KIF14: variants seen among roughly 807,000 people sequenced by gnomAD.
The protein encoded by KIF14 is kinesin family member 14.
In KIF14, 98 loss-of-function variants were observed where a neutral mutation model predicts 176.2. The ratio of observed to expected loss-of-function variants is 0.56; its 90% CI spans 0.47 to 0.66. The LOEUF is 0.66. Ranked by LOEUF, KIF14 falls within the 30% of genes least tolerant of loss-of-function variation. The pLI, the probability that KIF14 is intolerant of heterozygous loss-of-function variation, is 0.00. For missense variants in KIF14, 1,751 were observed against 1,920.4 expected (o/e 0.91, Z 1.65); for synonymous variants, 566 against 632.2 (o/e 0.90, Z 1.57).
intron 2 of KIF14, among the ~76,000 whole-genome samples, chr1:200,616,999 G>A (rs993549241): frequency 1.3e-5 from 2 of 152,024 alleles, no homozygotes; most frequent in South Asian, 2.1e-4. Context: ...AGACAGTCTC[G>A]TTCTGTCGCC....
intron 19 of KIF14, 98 bp downstream of exon 19, chr1:200,586,003 G>C (rs989228652): frequency 1.2e-6 from 1 of 806,310 alleles, no homozygotes; most frequent in Non-Finnish European, 1.8e-6. Context: ...AAAGTATTTT[G>C]AATATGTAAA....
In KIF14 at chr1:200,618,725, T is replaced by C. The variant is rs747913514; in HGVS notation, c.-2A>G. 1.9e-6 allele frequency: 3 copies of C among 1,586,162 alleles called. No homozygotes were observed. The highest frequency in any genetic ancestry group is 2.7e-5 in the African/African-American group (2 of 74,246). On this transcript the variant is annotated 5_prime_UTR_variant, in exon 2 of 30. Coordinates refer to ENST00000367350, the MANE Select transcript of KIF14 (RefSeq NM_014875.3). ...ATTATGAGTACTGTGTAATGACATT[T>C]TGGCAGACAGTTATTTTAAAAAAGA...
chr1:200,593,803 T>C (rs948803561), intron 14 of KIF14, 34 bp from the exon 15 acceptor site: 8 of 1,275,084 alleles, frequency 6.3e-6, no homozygotes, highest in African/African-American at 2.9e-5. Context: ...TTAACAATTA[T>C]AGAACACACT....
At position 200,552,939 on chromosome 1, in the gene KIF14, ATT is replaced by A. The variant is rs1348038140; in HGVS notation, c.*447_*448del. 1.2e-4 allele frequency: 18 copies of A among 150,964 alleles called. No individual in the cohort carries two copies. The highest frequency in any genetic ancestry group is 3.6e-4 in the African/African-American group (15 of 41,232). 9.4% of individuals were successfully genotyped at this position (150,964 alleles called of 1,614,324 possible). On this transcript the variant is annotated 3_prime_UTR_variant, in exon 30 of 30. Coordinates refer to ENST00000367350, the MANE Select transcript of KIF14 (RefSeq NM_014875.3). ...ATTTTATTTATTTATTTATTTATTT[ATT>A]TATTTATTTATTTATTTATTTTGAC... is the stretch of plus-strand genomic sequence containing the variant.
intron 14 of KIF14, among the ~76,000 whole-genome samples, chr1:200,594,368 CAAAAAAAAAAAA>C (rs371729211): frequency 1.1e-5 from 1 of 92,516 alleles, no homozygotes; most frequent in Non-Finnish European, 2.0e-5. Flanking sequence ...CCCAAAAATT[CAAAAAAAAAAAA>C]AAAAAAAAAA....
chr1:200,587,566 G>T (rs1235454707), intron 18 of KIF14, among the ~76,000 whole-genome samples: 1 of 152,174 alleles, frequency 6.6e-6, no homozygotes, highest in Admixed American at 6.5e-5. Context: ...TATAATCCCA[G>T]CACTTTGGGA....
chr1:200,581,011 G>C (rs541777967), intron 20 of KIF14, among the ~76,000 whole-genome samples, 190 bp downstream of exon 20: 1 of 151,324 alleles, frequency 6.6e-6, no homozygotes, highest in Non-Finnish European at 1.5e-5. Flanking sequence ...TTACTCAGGA[G>C]GCTGAGGCAG....
At chr1:200,558,330 A>G (rs1316792288) in intron 27 of KIF14, among the ~76,000 whole-genome samples, 1 of 152,224 alleles carries the variant, frequency 6.6e-6, no homozygotes, top group East Asian at 1.9e-4. Context: ...AAGAATTTGA[A>G]TTTGTATCTT....
intron 29 of KIF14, 77 bp downstream of exon 29, chr1:200,554,390 CA>C (rs200142247): frequency 0.028 from 21,119 of 766,408 alleles, 2 homozygotes; most frequent in South Asian, 0.037. Flanking sequence ...GACTCCATCT[CA>C]AAAAAAAAAA....
At chr1:200,590,898 C>T (rs1439651113) in intron 16 of KIF14, among the ~76,000 whole-genome samples, 3 of 151,994 alleles carry the variant, frequency 2.0e-5, no homozygotes, top group African/African-American at 7.3e-5. Context: ...TGGTGGTGTG[C>T]GCCTATAGTC....
intron 1 of KIF14, 138 bp downstream of exon 1, chr1:200,620,273 T>G (rs558542446): frequency 1.6e-4 from 24 of 152,390 alleles, no homozygotes; most frequent in Non-Finnish European, 3.1e-4. Flanking sequence ...ATACGGTTTC[T>G]GTTTGAGGAG....
intron 11 of KIF14, among the ~76,000 whole-genome samples, chr1:200,601,526 T>A (rs2102729557): frequency 6.6e-6 from 1 of 152,316 alleles, no homozygotes; most frequent in East Asian, 1.9e-4. Flanking sequence ...ATCAATGAAC[T>A]AAGCATGAGC....
In KIF14 at chr1:200,618,468, C is replaced by G; in HGVS notation, c.256G>C (p.Gly86Arg). 1 of 1,614,148 alleles carries G rather than the reference C, an allele frequency of 6.2e-7. No individual in the cohort carries two copies. The highest frequency in any genetic ancestry group is 1.1e-5 in the South Asian group (1 of 91,082). Residue 86 changes from glycine (G) to arginine (R), a missense_variant, in exon 2 of 30, where the codon GGT becomes CGT. Gly to Arg is a moderately radical substitution (Grantham distance 125). Coordinates refer to ENST00000367350, the MANE Select transcript of KIF14 (RefSeq NM_014875.3). Reference sequence around the variant, plus strand: ...GTTCTCCTCTGAAGTGCCAATCTACCTACAGGATTAGGGGTAAGGGGCATG... The same window carrying G: ...GTTCTCCTCTGAAGTGCCAATCTACGTACAGGATTAGGGGTAAGGGGCATG... ...ADMPLTPNPV[G>R]RLALQRRTTR...
Position 200,589,328 on chromosome 1 carries a change from GTTAT to G in KIF14, c.2999_3002del (p.Asn1000ThrfsTer11). 1 of 1,609,372 alleles carries G rather than the reference GTTAT, an allele frequency of 6.2e-7. No homozygotes were observed. Among genetic ancestry groups the G allele is most frequent in the Non-Finnish European group, 8.5e-7 (1 of 1,176,814 alleles). On this transcript the variant is annotated frameshift_variant, in exon 18 of 30. Transcript: ENST00000367350. LOFTEE classifies it high-confidence loss of function. Reference sequence around the variant, plus strand: ...CCTCAATTTTGTGATTAGCCTTCTGGTTATTTATTTCCTGCATTTTTTTCCTTTG... The same window carrying G: ...CCTCAATTTTGTGATTAGCCTTCTGGTTATTTCCTGCATTTTTTTCCTTTG...
intron 22 of KIF14, among the ~76,000 whole-genome samples, chr1:200,574,322 C>G (rs754054188): frequency 2.6e-5 from 4 of 152,180 alleles, no homozygotes; most frequent in Non-Finnish European, 5.9e-5. Context: ...CTTAAATGCT[C>G]CATCTCAGGC....
At chr1:200,585,412 G>T (rs1415316998) in intron 19 of KIF14, among the ~76,000 whole-genome samples, 1 of 151,982 alleles carries the variant, frequency 6.6e-6, no homozygotes, top group Non-Finnish European at 1.5e-5. Context: ...AGAAAAAAAT[G>T]TCTAAGTGAA....
intron 5 of KIF14, among the ~76,000 whole-genome samples, chr1:200,607,204 A>G (rs1357019176): frequency 6.6e-6 from 1 of 151,816 alleles, no homozygotes; most frequent in Non-Finnish European, 1.5e-5. Flanking sequence ...CAGTGGTGCA[A>G]TCTTGGCTCA....
chr1:200,584,959 C>A lies in KIF14; in HGVS notation c.3241+1142G>T, dbSNP rs557594900. On this transcript the variant is annotated intron_variant, in intron 19 of 29. Coordinates refer to ENST00000367350, the MANE Select transcript of KIF14 (RefSeq NM_014875.3). The stretch of plus-strand genomic sequence containing the variant: ...TATATATAGAAAACTCTAATAACAC[C>A]ACCAAAAGTGAAATAAGCCAGACAT... Among the ~76,000 whole-genome samples the A allele has an allele frequency of 2.6e-5, 4 of 152,140 alleles. No individual in the cohort carries two copies. The East Asian group carries it at 7.7e-4, about 29-fold the overall frequency.
chr1:200,618,563 A>G lies in KIF14; in HGVS notation c.161T>C (p.Leu54Ser), dbSNP rs1412383374. ...MSECENDDPL[L>S]RSAGKVRDIN... ...GTCTCTGACTTTACCTGCAGATCTC[A>G]ATAATGGATCATCATTTTCACATTC... The change falls in exon 2 of 30, where the codon TTG becomes TCG. Residue 54 changes from leucine to serine, a missense_variant. Leu to Ser is a moderately radical substitution (Grantham distance 145). Coordinates refer to ENST00000367350, the MANE Select transcript of KIF14 (RefSeq NM_014875.3). 1.9e-6 allele frequency: 3 copies of G among 1,614,080 alleles called. No homozygotes were observed. Among genetic ancestry groups the G allele is most frequent in the Admixed American group, 3.3e-5 (2 of 60,010 alleles).
Sources: allele counts gnomAD v4.1 joint callset (sites outside exome capture counted in the v4.1 genomes callset), GRCh38; gene constraint gnomAD v4.1.1; transcripts MANE v1.5; gene names NCBI Gene and HGNC (gene_info 2026-07-23, HGNC 2026-07-21).